PTCHD4: variants seen among roughly 807,000 people sequenced by gnomAD.
PTCHD4 encodes the protein patched domain-containing protein 4.
PTCHD4 carries 33 observed loss-of-function variants against 58.1 expected under a neutral mutation model. That is an observed-to-expected ratio of 0.57 (90% CI 0.43 to 0.76). PTCHD4 has a LOEUF of 0.76. Ranked by LOEUF, PTCHD4 falls within the 30% of genes least tolerant of loss-of-function variation. PTCHD4 has a pLI of 0.00. For synonymous variants in PTCHD4, 478 were observed against 409.6 expected, an observed-to-expected ratio of 1.17 and a Z score of -2.02; for missense variants, 1,058 against 1,027.1, an observed-to-expected ratio of 1.03 and a Z score of -0.41.
intron 1 of PTCHD4, among the ~76,000 whole-genome samples, chr6:48,106,682 T>C (rs150687435): frequency 1.2e-4 from 19 of 152,324 alleles, no homozygotes; most frequent in African/African-American, 3.8e-4. Flanking sequence ...GCAGATGACA[T>C]GATTGAATGT....
chr6:48,004,165 A>C (rs1768855974), intron 4 of PTCHD4, among the ~76,000 whole-genome samples: 1 of 152,196 alleles, frequency 6.6e-6, no homozygotes, highest in Admixed American at 6.5e-5. Context: ...TCTTGAACAT[A>C]GTAGATGCTC....
chr6:48,009,322 C>A (rs74667722), intron 3 of PTCHD4, among the ~76,000 whole-genome samples: 1 of 152,096 alleles, frequency 6.6e-6, no homozygotes, highest in East Asian at 1.9e-4. Context: ...AGAAAATATG[C>A]AAAAAGTATT....
chr6:47,935,681 T>A (rs1293642710), intron 4 of PTCHD4, among the ~76,000 whole-genome samples: 2 of 152,220 alleles, frequency 1.3e-5, no homozygotes, highest in Non-Finnish European at 2.9e-5. Flanking sequence ...TATATATTCA[T>A]TTATTCAACA....
intron 1 of PTCHD4, among the ~76,000 whole-genome samples, chr6:48,079,472 C>T (rs1046018129): frequency 6.6e-6 from 1 of 152,128 alleles, no homozygotes; most frequent in Middle Eastern, 3.4e-3. Flanking sequence ...CAAATATCAA[C>T]ATTCATATCA....
In PTCHD4 at chr6:47,871,263, C is replaced by A. The variant is rs1017773555; in HGVS notation, c.*7040G>T. On this transcript the variant is annotated 3_prime_UTR_variant, in exon 5 of 5. Transcript: ENST00000339488. Reference sequence around the variant, plus strand: ...AGCAGAAAATAATAGCAATGCCTTCCAGAGGAAAAGAAAACTTAAGTAAAA... The same window carrying A: ...AGCAGAAAATAATAGCAATGCCTTCAAGAGGAAAAGAAAACTTAAGTAAAA... 2.6e-5 allele frequency among the ~76,000 whole-genome samples: 4 copies of A among 151,542 alleles called. No individual in the cohort carries two copies. The highest frequency in any genetic ancestry group is 9.7e-5 in the African/African-American group (4 of 41,344).
At chr6:48,008,310 C>T (rs558169528) in intron 4 of PTCHD4, among the ~76,000 whole-genome samples, 2 of 152,278 alleles carry the variant, frequency 1.3e-5, no homozygotes, top group East Asian at 1.9e-4. Context: ...AAATTTTGCT[C>T]GAAGTAGATT....
At chr6:48,015,997 A>G (rs897686296) in intron 3 of PTCHD4, among the ~76,000 whole-genome samples, 2 of 151,926 alleles carry the variant, frequency 1.3e-5, no homozygotes, top group Admixed American at 1.3e-4. Flanking sequence ...AAATGAAAAG[A>G]GGCATATGTA....
At chr6:47,917,214 G>T (rs1765287981) in intron 4 of PTCHD4, among the ~76,000 whole-genome samples, 1 of 150,162 alleles carries the variant, frequency 6.7e-6, no homozygotes, top group Non-Finnish European at 1.5e-5. Flanking sequence ...TGCTATTTTG[G>T]GCAAAACGAC....
At chr6:48,046,771 T>C (rs954168872) in intron 3 of PTCHD4, among the ~76,000 whole-genome samples, 1 of 151,852 alleles carries the variant, frequency 6.6e-6, no homozygotes, top group Non-Finnish European at 1.5e-5. Context: ...GCACATAAAA[T>C]AAAGTTTCCC....
chr6:48,031,864 C>T (rs1763457453), intron 3 of PTCHD4, among the ~76,000 whole-genome samples: 1 of 152,028 alleles, frequency 6.6e-6, no homozygotes, highest in African/African-American at 2.4e-5. Flanking sequence ...TTTTCCAATT[C>T]ATTGAAATAA....
Position 47,879,548 on chromosome 6 carries a change from C to T in PTCHD4, c.1287G>A (p.Gln429=), listed in dbSNP as rs746045406. The change falls in exon 5 of 5, where the codon CAG becomes CAA. Residue 429 remains glutamine (Q), a synonymous_variant. Coordinates refer to ENST00000339488, the MANE Select transcript of PTCHD4 (RefSeq NM_001384253.1). Reference sequence around the variant, plus strand: ...AGGGGTTCGTCTCATGATGGGACGTCTGTTGATGCCCATCACTCATCACTG... The same window carrying T: ...AGGGGTTCGTCTCATGATGGGACGTTTGTTGATGCCCATCACTCATCACTG... ...FQTVMSDGHQ[Q]TSHHETNPYQ... is the part of the protein sequence containing the mutation. 3 of 1,613,748 alleles carry T rather than the reference C, an allele frequency of 1.9e-6. No homozygotes were observed. The South Asian group carries it at 3.3e-5, about 18-fold the overall frequency.
At chr6:47,956,186 T>C (rs1766852418) in intron 4 of PTCHD4, among the ~76,000 whole-genome samples, 3 of 152,190 alleles carry the variant, frequency 2.0e-5, no homozygotes, top group Admixed American at 2.0e-4. Flanking sequence ...TTGGTTCTGT[T>C]TCTTCTGTGT....
At chr6:48,100,941 A>T (rs938153580) in intron 1 of PTCHD4, among the ~76,000 whole-genome samples, 8 of 152,214 alleles carry the variant, frequency 5.3e-5, no homozygotes, top group African/African-American at 1.9e-4. Flanking sequence ...TTATGTCAAA[A>T]TAATTTTAAA....
chr6:47,873,770 A>T lies in PTCHD4; in HGVS notation c.*4533T>A, dbSNP rs1763779423. Among the ~76,000 whole-genome samples, 1 of 151,746 alleles carries T rather than the reference A, an allele frequency of 6.6e-6. No homozygotes were observed. The highest frequency in any genetic ancestry group is 2.4e-5 in the African/African-American group (1 of 41,394). ...GATGGGGAAATAGCAAGGGCATACC[A>T]ATTCAGCCATAAATATGTTTTGGGT... On this transcript the variant is annotated 3_prime_UTR_variant, in exon 5 of 5. Coordinates refer to ENST00000339488, the MANE Select transcript of PTCHD4 (RefSeq NM_001384253.1).
intron 4 of PTCHD4, among the ~76,000 whole-genome samples, chr6:47,934,087 T>C (rs936884551): frequency 6.6e-6 from 1 of 152,184 alleles, no homozygotes; most frequent in African/African-American, 2.4e-5. Flanking sequence ...AACTATTCCA[T>C]TGATCTCTAA....
intron 3 of PTCHD4, among the ~76,000 whole-genome samples, chr6:48,027,280 C>G (rs1368945506): frequency 6.6e-6 from 1 of 151,944 alleles, no homozygotes; most frequent in Non-Finnish European, 1.5e-5. Flanking sequence ...AAAACTAACC[C>G]AAATGTTTTT....
chr6:47,956,435 T>A (rs1260079045), intron 4 of PTCHD4, among the ~76,000 whole-genome samples: 1 of 151,876 alleles, frequency 6.6e-6, no homozygotes, highest in Admixed American at 6.6e-5. Context: ...GTTTTTTTTT[T>A]ATTTTTATTT....
intron 1 of PTCHD4, among the ~76,000 whole-genome samples, chr6:48,088,914 G>A (rs780062805): frequency 3.3e-5 from 5 of 152,034 alleles, no homozygotes; most frequent in Admixed American, 6.6e-5. Flanking sequence ...GTGTGGTGGC[G>A]GGCGCCTGTA....
intron 4 of PTCHD4, among the ~76,000 whole-genome samples, chr6:47,885,964 A>C (rs1401714125): frequency 6.6e-6 from 1 of 152,068 alleles, no homozygotes; most frequent in Non-Finnish European, 1.5e-5. Flanking sequence ...GATTACAGGC[A>C]CCTGCCACCA....
Sources: gnomAD v4.1 joint callset for allele counts (sites outside exome capture counted in the v4.1 genomes callset) on GRCh38, gnomAD v4.1.1 for gene constraint, MANE v1.5 for transcripts, NCBI Gene and HGNC (gene_info 2026-07-23, HGNC 2026-07-21) for gene names.